NMNAT2: variants seen among roughly 807,000 people sequenced by gnomAD.
NMNAT2 encodes nicotinamide nucleotide adenylyltransferase 2.
Under a neutral mutation model 41.6 loss-of-function variants are expected in NMNAT2, and 11 were observed. The observed-to-expected ratio is 0.26, with a 90% CI of 0.17 to 0.44. The LOEUF (loss-of-function observed/expected upper bound fraction) is 0.44. Ranked by LOEUF, NMNAT2 falls within the 20% of genes least tolerant of loss-of-function variation. The probability of loss-of-function intolerance (pLI) is 1.00; values close to 1 mark genes in which losing one functional copy is unlikely to be tolerated. For missense variants in NMNAT2, 288 were observed against 407.7 expected (o/e 0.71, Z 2.53); for synonymous variants, 148 against 151.2 (o/e 0.98, Z 0.16).
At chr1:183,332,346 T>C (rs996360407) in intron 1 of NMNAT2, among the ~76,000 whole-genome samples, 1 of 152,194 alleles carries the variant, frequency 6.6e-6, no homozygotes, top group Non-Finnish European at 1.5e-5. Flanking sequence ...AACTTTGTCT[T>C]ACCTAACTGT....
At chr1:183,406,700 G>A (rs565424884) in intron 1 of NMNAT2, among the ~76,000 whole-genome samples, 12 of 152,004 alleles carry the variant, frequency 7.9e-5, no homozygotes, top group Admixed American at 3.9e-4. Flanking sequence ...GGTTTTGTTC[G>A]CTCAAAGTAG....
At chr1:183,400,864 T>C (rs1000337551) in intron 1 of NMNAT2, among the ~76,000 whole-genome samples, 1 of 152,176 alleles carries the variant, frequency 6.6e-6, no homozygotes, top group Non-Finnish European at 1.5e-5. Flanking sequence ...TAGCCATATG[T>C]AGAAAGCTGA....
At chr1:183,411,496 G>A (rs1013231016) in intron 1 of NMNAT2, among the ~76,000 whole-genome samples, 1 of 152,090 alleles carries the variant, frequency 6.6e-6, no homozygotes, top group Non-Finnish European at 1.5e-5. Flanking sequence ...AGTAGAGACA[G>A]GGTTTCCCCA....
chr1:183,355,778 G>A (rs1663171841), intron 1 of NMNAT2, among the ~76,000 whole-genome samples: 1 of 152,192 alleles, frequency 6.6e-6, no homozygotes, highest in Non-Finnish European at 1.5e-5. Context: ...GTGTGTTTCT[G>A]GGCCTGTACA....
intron 7 of NMNAT2, chr1:183,283,180 G>A (rs1407510524): frequency 6.6e-6 from 1 of 152,224 alleles, no homozygotes; most frequent in Non-Finnish European, 1.5e-5. Flanking sequence ...TACCAGGAAG[G>A]GATGCTTGGA....
chr1:183,387,448 T>C (rs1648278344), intron 1 of NMNAT2, among the ~76,000 whole-genome samples: 1 of 152,246 alleles, frequency 6.6e-6, no homozygotes, highest in African/African-American at 2.4e-5. Context: ...ATCTACTTTA[T>C]AGCAGAGAAC....
chr1:183,352,716 G>C (rs993129198), intron 1 of NMNAT2, among the ~76,000 whole-genome samples: 3 of 152,130 alleles, frequency 2.0e-5, no homozygotes, highest in Non-Finnish European at 4.4e-5. Context: ...TATGAGACTG[G>C]CATCTGTAAA....
chr1:183,328,941 G>C (rs1662523177), intron 1 of NMNAT2, among the ~76,000 whole-genome samples: 1 of 152,200 alleles, frequency 6.6e-6, no homozygotes, highest in African/African-American at 2.4e-5. Flanking sequence ...CTTCTGTGGG[G>C]CTGTGGTTGT....
intron 8 of NMNAT2, among the ~76,000 whole-genome samples, chr1:183,265,034 G>T (rs1434707438): frequency 6.6e-6 from 1 of 151,974 alleles, no homozygotes; most frequent in African/African-American, 2.4e-5. Flanking sequence ...CACACTAAAG[G>T]CTTCCAAATT....
At chr1:183,344,405 C>T (rs377356680) in intron 1 of NMNAT2, among the ~76,000 whole-genome samples, 3 of 152,114 alleles carry the variant, frequency 2.0e-5, no homozygotes, top group East Asian at 1.9e-4. Context: ...GCTGTTCTAC[C>T]GGCCTTTGTA....
intron 8 of NMNAT2, among the ~76,000 whole-genome samples, chr1:183,269,199 G>A (rs1660917042): frequency 6.6e-6 from 1 of 152,210 alleles, no homozygotes; most frequent in African/African-American, 2.4e-5. Context: ...TAGGAGAAGA[G>A]GATTCCCAAT....
At chr1:183,302,137 A>G (rs1031380047) in intron 1 of NMNAT2, among the ~76,000 whole-genome samples, 8 of 152,178 alleles carry the variant, frequency 5.3e-5, no homozygotes, top group African/African-American at 1.9e-4. Context: ...GGCCTACTAA[A>G]CTGAGCCTTG....
Position 183,252,609 on chromosome 1 carries a change from G to A in NMNAT2, c.*32C>T, listed in dbSNP as rs758725774. ...AAACAGGGGGCTGACAAAGATGGAGGGGCCATTGTGTTGCCGGAGGACGAG... is the reference window on the plus strand; with the variant it reads ...AAACAGGGGGCTGACAAAGATGGAGAGGCCATTGTGTTGCCGGAGGACGAG... On this transcript the variant is annotated 3_prime_UTR_variant, in exon 11 of 11. Transcript: ENST00000287713. 3 of 1,397,066 alleles carry A rather than the reference G, an allele frequency of 2.1e-6. No homozygotes were observed. Among genetic ancestry groups the A allele is most frequent in the Admixed American group, 3.3e-5 (2 of 59,736 alleles). The allele number at this position is 1,397,066 out of a possible 1,614,324, so 86.5% of individuals were successfully genotyped here. A position where few individuals can be genotyped will look rare whatever the true frequency, so the allele number is the denominator to read the frequency against.
chr1:183,325,058 A>T (rs2102333201), intron 1 of NMNAT2, among the ~76,000 whole-genome samples: 1 of 152,218 alleles, frequency 6.6e-6, no homozygotes, highest in African/African-American at 2.4e-5. Context: ...AGTCACACCA[A>T]ATTGTGTCTC....
At chr1:183,381,172 T>C (rs1344562672) in intron 1 of NMNAT2, among the ~76,000 whole-genome samples, 1 of 152,126 alleles carries the variant, frequency 6.6e-6, no homozygotes, top group Admixed American at 6.5e-5. Context: ...TGATTACATA[T>C]ATGACCAGGA....
chr1:183,275,256 A>G (rs1423428963), intron 8 of NMNAT2, among the ~76,000 whole-genome samples: 1 of 152,202 alleles, frequency 6.6e-6, no homozygotes, highest in Non-Finnish European at 1.5e-5. Flanking sequence ...TTTGATTTAA[A>G]TACATTAACA....
intron 1 of NMNAT2, among the ~76,000 whole-genome samples, chr1:183,362,191 A>T (rs1663320976): frequency 6.6e-6 from 1 of 152,138 alleles, no homozygotes; most frequent in Non-Finnish European, 1.5e-5. Context: ...CACCTGCCTC[A>T]GCCTCCCAAA....
chr1:183,317,962 T>C (rs189356352), intron 1 of NMNAT2, among the ~76,000 whole-genome samples: 10 of 152,282 alleles, frequency 6.6e-5, no homozygotes, highest in Non-Finnish European at 1.0e-4. Context: ...GAGACACAAA[T>C]ACACAAACAG....
At chr1:183,366,556 T>C (rs1571621875) in intron 1 of NMNAT2, among the ~76,000 whole-genome samples, 1 of 152,308 alleles carries the variant, frequency 6.6e-6, no homozygotes, top group East Asian at 1.9e-4. Context: ...ATAAAAAGTG[T>C]TATCATTGTT....
Sources: allele counts gnomAD v4.1 joint callset (sites outside exome capture counted in the v4.1 genomes callset), GRCh38; gene constraint gnomAD v4.1.1; transcripts MANE v1.5; gene names NCBI Gene and HGNC (gene_info 2026-07-23, HGNC 2026-07-21).